EPHB1: variants seen among roughly 807,000 people sequenced by gnomAD.
EPHB1 encodes the protein ephrin type-B receptor 1.
A neutral mutation model predicts 94.4 loss-of-function variants in EPHB1; 30 were observed. The ratio of observed to expected loss-of-function variants is 0.32; its 90% CI spans 0.24 to 0.43. The LOEUF (loss-of-function observed/expected upper bound fraction) is 0.43. Ranked by LOEUF, EPHB1 falls within the 20% of genes least tolerant of loss-of-function variation. The pLI is 1.00. For synonymous variants in EPHB1, 522 were observed against 489.1 expected (o/e 1.07, Z -0.89); for missense variants, 1,055 against 1,308.3 (o/e 0.81, Z 2.99).
At chr3:135,097,816 G>A (rs766978035) in intron 3 of EPHB1, among the ~76,000 whole-genome samples, 1 of 152,216 alleles carries the variant, frequency 6.6e-6, no homozygotes, top group Non-Finnish European at 1.5e-5. Context: ...GGATGATGTA[G>A]AAGTAAATGC....
At chr3:134,947,716 A>G (rs2039239992) in intron 2 of EPHB1, among the ~76,000 whole-genome samples, 1 of 152,240 alleles carries the variant, frequency 6.6e-6, no homozygotes, top group African/African-American at 2.4e-5. Flanking sequence ...GTCTTATAAT[A>G]CCAATCAGTG....
At chr3:134,830,564 G>T (rs2036563621) in intron 1 of EPHB1, among the ~76,000 whole-genome samples, 2 of 152,282 alleles carry the variant, frequency 1.3e-5, no homozygotes, top group African/African-American at 4.8e-5. Flanking sequence ...GGCAGGTGAG[G>T]GAAGCACTCA....
At chr3:134,978,394 G>T (rs1474416631) in intron 3 of EPHB1, among the ~76,000 whole-genome samples, 1 of 152,122 alleles carries the variant, frequency 6.6e-6, no homozygotes, top group Non-Finnish European at 1.5e-5. Context: ...CCATAAAAAA[G>T]TCTGAAAACC....
chr3:135,151,710 A>G (rs546708387), intron 5 of EPHB1, among the ~76,000 whole-genome samples: 3 of 152,342 alleles, frequency 2.0e-5, no homozygotes, highest in African/African-American at 4.8e-5. Flanking sequence ...TGGGTTATAG[A>G]TACTACTAAG....
intron 1 of EPHB1, among the ~76,000 whole-genome samples, chr3:134,898,441 C>T (rs531804259): frequency 4.3e-4 from 65 of 152,232 alleles, no homozygotes; most frequent in Non-Finnish European, 8.4e-4. Flanking sequence ...TTTTCTGACC[C>T]TGTCATCTAA....
chr3:135,225,089 T>C (rs1943362622), intron 12 of EPHB1, among the ~76,000 whole-genome samples: 1 of 152,110 alleles, frequency 6.6e-6, no homozygotes, highest in Non-Finnish European at 1.5e-5. Context: ...GCTCCACTGA[T>C]TTGCTGGCTG....
intron 3 of EPHB1, among the ~76,000 whole-genome samples, chr3:135,003,672 G>C (rs1935273599): frequency 2.0e-5 from 3 of 152,162 alleles, no homozygotes; most frequent in African/African-American, 7.2e-5. Flanking sequence ...ATTTAGGATA[G>C]TTAGCTCTTC....
At chr3:135,098,341 AGT>A (rs34315780) in intron 3 of EPHB1, among the ~76,000 whole-genome samples, 61,670 of 150,896 alleles carry the variant, frequency 0.41, 14,283 homozygotes, top group East Asian at 0.75. Flanking sequence ...GATATGTTTG[AGT>A]GTGTGTGTGT....
chr3:135,244,665 G>A (rs945282336), intron 13 of EPHB1, among the ~76,000 whole-genome samples: 2 of 152,206 alleles, frequency 1.3e-5, no homozygotes, highest in African/African-American at 4.8e-5. Flanking sequence ...AAGTGTGACA[G>A]AGAATGATTT....
chr3:134,841,935 G>T (rs995629735), intron 1 of EPHB1, among the ~76,000 whole-genome samples: 10 of 152,278 alleles, frequency 6.6e-5, no homozygotes, highest in African/African-American at 2.4e-4. Context: ...GAGAGCTGGG[G>T]AAAGGATAAA....
intron 11 of EPHB1, among the ~76,000 whole-genome samples, chr3:135,195,165 T>C (rs1343592830): frequency 6.6e-6 from 1 of 152,020 alleles, no homozygotes; most frequent in Non-Finnish European, 1.5e-5. Context: ...GTCATTTATT[T>C]CCTACCAGTC....
chr3:134,972,368 T>C (rs928275457), intron 3 of EPHB1, among the ~76,000 whole-genome samples: 1 of 111,472 alleles, frequency 9.0e-6, no homozygotes, highest in Non-Finnish European at 2.1e-5. Flanking sequence ...CGTGTTTATA[T>C]ATAAAATATT....
intron 1 of EPHB1, among the ~76,000 whole-genome samples, chr3:134,832,709 C>A (rs936717253): frequency 6.6e-6 from 1 of 152,196 alleles, no homozygotes; most frequent in Non-Finnish European, 1.5e-5. Context: ...TTGATGTCAT[C>A]GCACTCTAAC....
intron 3 of EPHB1, among the ~76,000 whole-genome samples, chr3:135,076,651 C>T (rs543827071): frequency 5.9e-5 from 9 of 152,190 alleles, no homozygotes; most frequent in Non-Finnish European, 1.0e-4. Flanking sequence ...CAGATATTCA[C>T]AGCAGCATTA....
intron 4 of EPHB1, among the ~76,000 whole-genome samples, chr3:135,131,523 C>T (rs768361763): frequency 5.9e-5 from 9 of 152,114 alleles, no homozygotes; most frequent in South Asian, 2.1e-4. Flanking sequence ...GGGGGGCTTC[C>T]GGGCAGGATT....
At chr3:134,941,754 C>CACACACAG (rs2039121519) in intron 2 of EPHB1, among the ~76,000 whole-genome samples, 1 of 33,602 alleles carries the variant, frequency 3.0e-5, no homozygotes, top group African/African-American at 8.1e-5. Flanking sequence ...TGCACACAGA[C>CACACACAG]ACACACACAC....
intron 1 of EPHB1, among the ~76,000 whole-genome samples, chr3:134,919,007 C>G (rs752506872): frequency 2.2e-4 from 34 of 152,228 alleles, no homozygotes; most frequent in Admixed American, 9.2e-4. Flanking sequence ...GATGAGGCCT[C>G]CTGGATGAAA....
chr3:134,842,085 A>G (rs1219450368), intron 1 of EPHB1, among the ~76,000 whole-genome samples: 1 of 152,170 alleles, frequency 6.6e-6, no homozygotes, highest in Non-Finnish European at 1.5e-5. Flanking sequence ...GAGGTAGTTA[A>G]GTCAGTCATG....
chr3:134,849,678 C>T (rs2108299065), intron 1 of EPHB1, among the ~76,000 whole-genome samples: 1 of 152,116 alleles, frequency 6.6e-6, no homozygotes, highest in East Asian at 1.9e-4. Flanking sequence ...TGGGTCTGTC[C>T]CTAGCATGGG....
Sources: gnomAD v4.1 joint callset for allele counts (sites outside exome capture counted in the v4.1 genomes callset) on GRCh38, gnomAD v4.1.1 for gene constraint, MANE v1.5 for transcripts, NCBI Gene and HGNC (gene_info 2026-07-23, HGNC 2026-07-21) for gene names.